Variants in GTF2A1 observed in about 807,000 individuals in gnomAD.
The protein encoded by GTF2A1 is general transcription factor IIA subunit 1, also known as transcription initiation factor IIA subunit 1.
GTF2A1 carries 12 observed loss-of-function variants against 54.1 expected under a neutral mutation model. The ratio of observed to expected loss-of-function variants is 0.22; its 90% CI spans 0.14 to 0.36. The LOEUF is 0.36. Ranked by LOEUF, GTF2A1 falls within the 10% of genes least tolerant of loss-of-function variation. The pLI is 1.00. For missense variants in GTF2A1, 335 were observed against 442.2 expected (o/e 0.76, Z 2.17); for synonymous variants, 145 against 152.0 (o/e 0.95, Z 0.34).
At chr14:81,204,162 C>T (rs547050272) in intron 2 of GTF2A1, 58 bp from the exon 3 acceptor site, 22 of 1,074,514 alleles carry the variant, frequency 2.0e-5, no homozygotes, top group Non-Finnish European at 2.9e-5. Context: ...CAGATGAATA[C>T]AACAGTTTTA....
intron 8 of GTF2A1, among the ~76,000 whole-genome samples, chr14:81,183,430 T>C (rs1460921606): frequency 6.6e-6 from 1 of 152,202 alleles, no homozygotes; most frequent in Non-Finnish European, 1.5e-5. Context: ...CATTCTGTCA[T>C]AGGACAGGAC....
chr14:81,220,209 G>A (rs1364778490), intron 1 of GTF2A1, among the ~76,000 whole-genome samples: 1 of 123,770 alleles, frequency 8.1e-6, no homozygotes, highest in Non-Finnish European at 1.7e-5. Flanking sequence ...CTGCGCGCCC[G>A]ACCGGGCCCA....
Position 81,180,317 on chromosome 14 carries a change from T to A in GTF2A1, c.1037A>T (p.Lys346Ile), listed in dbSNP as rs1299371432. 7.3e-7 allele frequency: 1 copy of A among 1,371,716 alleles called. No individual in the cohort carries two copies. The highest frequency in any genetic ancestry group is 1.0e-6 in the Non-Finnish European group (1 of 966,580). The allele number at this position is 1,371,716 out of a possible 1,614,324, so 85.0% of individuals were successfully genotyped here. ...CTTGAGATGAAATTTCCATTTGTTT[T>A]TACTTCTGTGTATCTAAACAAAAAC... ...VCQYDKIHRS[K>I]NKWKFHLKDG... The change falls in exon 9 of 9, where the codon AAA (lysine) becomes ATA (isoleucine). Residue 346 changes from lysine to isoleucine, a missense_variant. Coordinates refer to ENST00000553612, the MANE Select transcript of GTF2A1 (RefSeq NM_015859.4).
rs1273846935 is a variant in GTF2A1, at chr14:81,175,794, AAT to A, written c.*4427_*4428del. The A allele has an allele frequency of 5.9e-5, 9 of 152,196 alleles. No homozygotes were observed. The highest frequency in any genetic ancestry group is 1.2e-4 in the African/African-American group (5 of 41,460). 9.4% of individuals were successfully genotyped at this position (152,196 alleles called of 1,614,324 possible). On this transcript the variant is annotated 3_prime_UTR_variant, in exon 9 of 9. Coordinates refer to ENST00000553612, the MANE Select transcript of GTF2A1 (RefSeq NM_015859.4). ...TGGAGTAGAAATACTTATTTAATAC[AAT>A]ATGTTAATTATTAATATTTCACAAG...
chr14:81,193,958 AC>A (rs1284800387), intron 6 of GTF2A1, among the ~76,000 whole-genome samples: 1 of 152,242 alleles, frequency 6.6e-6, no homozygotes, highest in Non-Finnish European at 1.5e-5. Flanking sequence ...CAGATGTAGT[AC>A]AAATATGACA....
intron 2 of GTF2A1, 77 bp from the exon 3 acceptor site, chr14:81,204,181 T>C (rs1736571452): frequency 2.1e-6 from 2 of 947,762 alleles, no homozygotes; most frequent in South Asian, 1.3e-5. Flanking sequence ...TATTAATCTC[T>C]TTATAAAGTT....
chr14:81,205,166 G>A (rs754451264), intron 2 of GTF2A1, among the ~76,000 whole-genome samples: 1 of 150,360 alleles, frequency 6.7e-6, no homozygotes, highest in Non-Finnish European at 1.5e-5. Flanking sequence ...TCACTATGTT[G>A]CCCAGGCTGG....
intron 2 of GTF2A1, among the ~76,000 whole-genome samples, chr14:81,212,408 G>GC (rs761018307): frequency 6.6e-6 from 1 of 152,076 alleles, no homozygotes; most frequent in African/African-American, 2.4e-5. Flanking sequence ...ATTTTATTGT[G>GC]TTTTTTCTAC....
chr14:81,188,928 T>C (rs1342636403), intron 7 of GTF2A1, among the ~76,000 whole-genome samples: 2 of 152,228 alleles, frequency 1.3e-5, no homozygotes, highest in Non-Finnish European at 2.9e-5. Flanking sequence ...CTTAACTCTT[T>C]TGCATGCGGA....
chr14:81,183,456 A>G (rs1892679459), intron 8 of GTF2A1, among the ~76,000 whole-genome samples: 1 of 152,242 alleles, frequency 6.6e-6, no homozygotes, highest in Non-Finnish European at 1.5e-5. Flanking sequence ...GCAAAAAATA[A>G]ATGTACCAAA....
rs182544304 is a variant in GTF2A1 at position 81,188,932 on chromosome 14, A to G, written c.934-3312T>C. Among the ~76,000 whole-genome samples the G allele has an allele frequency of 2.2e-3, 338 of 152,350 alleles. 3 individuals are homozygous for G. The highest frequency in any genetic ancestry group is 7.4e-3 in the African/African-American group (309 of 41,584). On this transcript the variant is annotated intron_variant, in intron 7 of 8. Coordinates refer to ENST00000553612, the MANE Select transcript of GTF2A1 (RefSeq NM_015859.4). Reference sequence around the variant, plus strand: ...TAGGGGTCCAACTTAACTCTTTTGCATGCGGATATCTAATTGTCCAAGCAT... The same window carrying G: ...TAGGGGTCCAACTTAACTCTTTTGCGTGCGGATATCTAATTGTCCAAGCAT...
chr14:81,209,506 T>G (rs1893315504), intron 2 of GTF2A1, among the ~76,000 whole-genome samples: 1 of 152,196 alleles, frequency 6.6e-6, no homozygotes, highest in Non-Finnish European at 1.5e-5. Flanking sequence ...CCTGGAATAC[T>G]TATTTGCAAA....
chr14:81,209,790 T>C (rs904191352), intron 2 of GTF2A1: 1 of 476,420 alleles, frequency 2.1e-6, no homozygotes, highest in African/African-American at 2.0e-5. Context: ...ACAAGACAAA[T>C]GTCAAAGTCT....
At chr14:81,211,911 C>G (rs1442101490) in intron 2 of GTF2A1, among the ~76,000 whole-genome samples, 1 of 83,952 alleles carries the variant, frequency 1.2e-5, no homozygotes, top group Non-Finnish European at 2.3e-5. Context: ...ATATATATAA[C>G]TAGAGTATAT....
In GTF2A1 at chr14:81,220,492, G is replaced by A. The variant is rs775211047; in HGVS notation, c.27C>T (p.Thr9=). 7.0e-6 allele frequency: 11 copies of A among 1,574,128 alleles called. No homozygotes were observed. The Admixed American group carries it at 1.6e-4, about 23-fold the overall frequency. Residue 9 remains threonine (T), a synonymous_variant, in exon 1 of 9, where the codon ACC becomes ACT. Coordinates refer to ENST00000553612, the MANE Select transcript of GTF2A1 (RefSeq NM_015859.4). ...GGCCACCGAACCACGTCCTTACCAC[G>A]GTGTTTGTATTTGCCGAGTTCGCCA... The part of the protein sequence containing the change: MANSANTN[T]VPKLYRSVIE...
intron 1 of GTF2A1, 80 bp downstream of exon 1, chr14:81,220,409 C>T (rs1191204604): frequency 6.1e-6 from 6 of 989,706 alleles, no homozygotes; most frequent in Non-Finnish European, 8.7e-6. Flanking sequence ...CGGGAGTCGC[C>T]GCCGTCCCCG....
intron 2 of GTF2A1, among the ~76,000 whole-genome samples, chr14:81,214,645 C>T (rs79870927): frequency 9.1e-6 from 1 of 109,620 alleles, no homozygotes; most frequent in Admixed American, 9.7e-5. Context: ...AACTCCGTCT[C>T]AAAAAAAAAA....
At chr14:81,220,133 C>A (rs1893588374) in intron 1 of GTF2A1, among the ~76,000 whole-genome samples, 1 of 151,322 alleles carries the variant, frequency 6.6e-6, no homozygotes, top group Non-Finnish European at 1.5e-5. Context: ...GCGGACGGGC[C>A]CCTCGGGGGG....
rs1892550997 is a variant in GTF2A1 at position 81,177,365 on chromosome 14, T to C, written c.*2858A>G. ...TTTACTCTAGAAATTAATTGCACAT[T>C]AAAGAGTTGTTTTAGCCATATGTGG... is the stretch of plus-strand genomic sequence containing the variant. On this transcript the variant is annotated 3_prime_UTR_variant, in exon 9 of 9. Coordinates refer to ENST00000553612, the MANE Select transcript of GTF2A1 (RefSeq NM_015859.4). 1 of 152,142 alleles carries C rather than the reference T, an allele frequency of 6.6e-6. No individual in the cohort carries two copies. Among genetic ancestry groups the C allele is most frequent in the African/African-American group, 2.4e-5 (1 of 41,434 alleles). The allele number at this position is 152,142 out of a possible 1,614,324, so 9.4% of individuals were successfully genotyped here.
Sources: allele counts gnomAD v4.1 joint callset (sites outside exome capture counted in the v4.1 genomes callset), GRCh38; gene constraint gnomAD v4.1.1; transcripts MANE v1.5; gene names NCBI Gene and HGNC (gene_info 2026-07-23, HGNC 2026-07-21).